The following PLCB1 variants were observed in gnomAD, a reference collection of about 807,000 sequenced individuals.
The protein encoded by PLCB1 is phospholipase C beta 1.
In PLCB1, 46 loss-of-function variants were observed where a neutral mutation model predicts 161.8. The observed-to-expected ratio is 0.28, with a 90% CI of 0.22 to 0.36. The LOEUF is 0.36. Ranked by LOEUF, PLCB1 falls within the 10% of genes least tolerant of loss-of-function variation. The pLI, the probability that PLCB1 is intolerant of heterozygous loss-of-function variation, is 1.00. For missense variants in PLCB1, 1,016 were observed against 1,472.5 expected (o/e 0.69, Z 5.07); for synonymous variants, 517 against 503.7 (o/e 1.03, Z -0.35).
chr20:8,810,177 TA>T (rs1217120537), intron 31 of PLCB1, among the ~76,000 whole-genome samples: 1 of 152,192 alleles, frequency 6.6e-6, no homozygotes, highest in Non-Finnish European at 1.5e-5. Flanking sequence ...GAAAATGTAA[TA>T]CCATCTGGCA....
At chr20:8,458,109 G>A (rs1253832458) in intron 3 of PLCB1, among the ~76,000 whole-genome samples, 1 of 152,170 alleles carries the variant, frequency 6.6e-6, no homozygotes, top group Non-Finnish European at 1.5e-5. Flanking sequence ...AACATCTGAT[G>A]TGGTTGGTTT....
At chr20:8,453,100 T>C (rs1407429456) in intron 3 of PLCB1, among the ~76,000 whole-genome samples, 1 of 152,224 alleles carries the variant, frequency 6.6e-6, no homozygotes, top group Non-Finnish European at 1.5e-5. Context: ...AACTCAACTT[T>C]GGAATTGTAA....
rs542810167 is a variant in PLCB1, at chr20:8,840,425, G to A, written c.3424-41197G>A. 1.4e-3 allele frequency among the ~76,000 whole-genome samples: 218 copies of A among 152,294 alleles called. 1 individual carries two copies. The highest frequency in any genetic ancestry group is 4.9e-3 in the African/African-American group (205 of 41,550). On this transcript the variant is annotated intron_variant, in intron 31 of 31. Transcript: ENST00000338037. Reference sequence around the variant, plus strand: ...TAGGTTGACAGAAGCTCCAAAAATAGAGTGAGTGCTCTGAGGAAGCTACAC... The same window carrying A: ...TAGGTTGACAGAAGCTCCAAAAATAAAGTGAGTGCTCTGAGGAAGCTACAC...
At chr20:8,603,985 G>C (rs1987678131) in intron 3 of PLCB1, among the ~76,000 whole-genome samples, 1 of 152,194 alleles carries the variant, frequency 6.6e-6, no homozygotes, top group Admixed American at 6.5e-5. Flanking sequence ...GGGTGTGGTG[G>C]CTCACGCCTG....
chr20:8,616,253 A>G (rs1488881490), intron 3 of PLCB1, among the ~76,000 whole-genome samples: 1 of 152,048 alleles, frequency 6.6e-6, no homozygotes, highest in African/African-American at 2.4e-5. Flanking sequence ...CTCCTTACCT[A>G]TACAGCTTCA....
intron 31 of PLCB1, among the ~76,000 whole-genome samples, chr20:8,820,100 A>T (rs1985266974): frequency 6.8e-6 from 1 of 147,376 alleles, no homozygotes. Flanking sequence ...ATTATGTTTT[A>T]TTTATGTTTT....
At position 8,623,569 on chromosome 20, in the gene PLCB1, G is replaced by GT. The variant is rs1988245039; in HGVS notation, c.247-4718dup. 7.9e-5 allele frequency among the ~76,000 whole-genome samples: 12 copies of GT among 151,968 alleles called. No homozygotes were observed. In the South Asian group the frequency reaches 2.1e-3, roughly 26 times the overall value. On this transcript the variant is annotated intron_variant, in intron 3 of 31. Transcript: ENST00000338037. Reference sequence around the variant, plus strand: ...TGAAAGGGCAGTCCTCTACCAGCTCGTTTTTTTCCTAGTATGTACCCATAG... The same window carrying GT: ...TGAAAGGGCAGTCCTCTACCAGCTCGTTTTTTTTCCTAGTATGTACCCATAG...
chr20:8,401,657 T>C (rs1978557357), intron 3 of PLCB1, among the ~76,000 whole-genome samples: 1 of 152,216 alleles, frequency 6.6e-6, no homozygotes, highest in African/African-American at 2.4e-5. Context: ...CTATCCTCAG[T>C]GATCTAGGGA....
At chr20:8,451,693 T>G (rs1981081496) in intron 3 of PLCB1, among the ~76,000 whole-genome samples, 1 of 152,126 alleles carries the variant, frequency 6.6e-6, no homozygotes, top group Admixed American at 6.5e-5. Flanking sequence ...TCTTATGAGC[T>G]GTTTCCTTCC....
intron 3 of PLCB1, among the ~76,000 whole-genome samples, chr20:8,561,028 G>C (rs1986123883): frequency 6.6e-6 from 1 of 151,872 alleles, no homozygotes; most frequent in Non-Finnish European, 1.5e-5. Flanking sequence ...AAAAAGTGGT[G>C]ATAAACTAGG....
At chr20:8,368,084 C>G (rs909620637) in intron 2 of PLCB1, among the ~76,000 whole-genome samples, 1 of 152,154 alleles carries the variant, frequency 6.6e-6, no homozygotes, top group African/African-American at 2.4e-5. Flanking sequence ...AAGTGGAATA[C>G]AGAGTTCATT....
chr20:8,571,406 C>T (rs1332448635), intron 3 of PLCB1, among the ~76,000 whole-genome samples: 1 of 152,020 alleles, frequency 6.6e-6, no homozygotes, highest in Non-Finnish European at 1.5e-5. Flanking sequence ...CACTTGAACT[C>T]GGGAGACAGA....
At chr20:8,206,081 A>G (rs1382246526) in intron 2 of PLCB1, among the ~76,000 whole-genome samples, 2 of 152,194 alleles carry the variant, frequency 1.3e-5, no homozygotes, top group African/African-American at 4.8e-5. Context: ...TCAAGAATCA[A>G]CTAACATCCT....
intron 3 of PLCB1, among the ~76,000 whole-genome samples, chr20:8,376,048 A>G (rs1987067873): frequency 6.6e-6 from 1 of 152,026 alleles, no homozygotes; most frequent in East Asian, 1.9e-4. Flanking sequence ...GTGGCTTCTC[A>G]AAAGCATTCT....
chr20:8,355,656 T>C lies in PLCB1; in HGVS notation c.178-15726T>C, dbSNP rs78588279. On this transcript the variant is annotated intron_variant, in intron 2 of 31. Coordinates refer to ENST00000338037, the MANE Select transcript of PLCB1 (RefSeq NM_015192.4). ...ACTGTGTAAGGCAAAGTGCAAAGTT[T>C]GGTGGCGAATGAGCAACCTTTGCCT... is the stretch of plus-strand genomic sequence containing the variant. Among the ~76,000 whole-genome samples, 355 of 152,284 alleles carry C rather than the reference T, an allele frequency of 2.3e-3. 2 individuals are homozygous for C. Among genetic ancestry groups the C allele is most frequent in the East Asian group, 0.023 (120 of 5,172 alleles).
chr20:8,657,249 C>T lies in PLCB1; in HGVS notation c.660C>T (p.Cys220=), dbSNP rs184317533. The T allele has an allele frequency of 5.0e-6, 8 of 1,607,358 alleles. No homozygotes were observed. The Admixed American group carries it at 1.3e-4, about 27-fold the overall frequency. The change falls in exon 8 of 32, where the codon TGC becomes TGT. Residue 220 remains cysteine (C), a synonymous_variant. Transcript: ENST00000338037. ...ACAGAGTTTTCCTCAACAACCTTTG[C>T]CCTCGACCTGAAATTGATAACATCT... The part of the protein sequence containing the change: ...EVYRVFLNNL[C]PRPEIDNIFS...
chr20:8,235,276 G>A (rs569783267), intron 2 of PLCB1, among the ~76,000 whole-genome samples: 16 of 152,166 alleles, frequency 1.1e-4, no homozygotes, highest in Non-Finnish European at 2.2e-4. Flanking sequence ...AAAGCATGTT[G>A]CAGAATTATT....
intron 4 of PLCB1, among the ~76,000 whole-genome samples, chr20:8,630,591 T>A (rs941647108): frequency 6.6e-6 from 1 of 152,202 alleles, no homozygotes; most frequent in Non-Finnish European, 1.5e-5. Context: ...TTGCTGTATA[T>A]GAATGGATAG....
chr20:8,642,567 TAGG>T (rs1988990727), intron 4 of PLCB1, among the ~76,000 whole-genome samples: 1 of 152,132 alleles, frequency 6.6e-6, no homozygotes, highest in South Asian at 2.1e-4. Flanking sequence ...ATGACAGCAA[TAGG>T]AGTTTGCCAA....
Sources: allele counts gnomAD v4.1 joint callset (sites outside exome capture counted in the v4.1 genomes callset), GRCh38; gene constraint gnomAD v4.1.1; transcripts MANE v1.5; gene names NCBI Gene and HGNC (gene_info 2026-07-23, HGNC 2026-07-21).